Variants in RABGAP1L observed in about 807,000 individuals in gnomAD.
The protein encoded by RABGAP1L is rab GTPase-activating protein 1-like.
Under a neutral mutation model 137.7 loss-of-function variants are expected in RABGAP1L, and 63 were observed. That is an observed-to-expected ratio of 0.46 (90% CI 0.37 to 0.56). The LOEUF is 0.56. Ranked by LOEUF, RABGAP1L falls within the 20% of genes least tolerant of loss-of-function variation. The pLI is 0.00. For synonymous variants in RABGAP1L, 431 were observed against 433.7 expected (o/e 0.99, Z 0.08); for missense variants, 1,095 against 1,244.0 (o/e 0.88, Z 1.80).
chr1:174,535,567 A>G (rs1017976988), intron 13 of RABGAP1L, among the ~76,000 whole-genome samples: 1 of 152,222 alleles, frequency 6.6e-6, no homozygotes, highest in Non-Finnish European at 1.5e-5. Flanking sequence ...TGAAGTGTTC[A>G]GTTCAGTGGA....
chr1:174,650,992 A>G (rs200945317), intron 14 of RABGAP1L, among the ~76,000 whole-genome samples: 1 of 148,642 alleles, frequency 6.7e-6, no homozygotes, highest in Non-Finnish European at 1.5e-5. Flanking sequence ...ATTTCCCTCT[A>G]CACACTGCTT....
intron 18 of RABGAP1L, among the ~76,000 whole-genome samples, chr1:174,797,513 G>A (rs1688335708): frequency 7.2e-6 from 1 of 138,458 alleles, no homozygotes; most frequent in Non-Finnish European, 1.6e-5. Flanking sequence ...TGGGATGTGT[G>A]TGTAGGGGGT....
chr1:174,935,110 A>G (rs998204729), intron 19 of RABGAP1L: 2 of 152,206 alleles, frequency 1.3e-5, no homozygotes, highest in African/African-American at 2.4e-5. Context: ...TCTGTCAGCA[A>G]AAAGGGATAA....
At chr1:174,800,370 A>G in intron 18 of RABGAP1L, 1 of 1,550,558 alleles carries the variant, frequency 6.4e-7, no homozygotes, top group Non-Finnish European at 8.7e-7. Context: ...CCAGCTGCTA[A>G]GCTCACACCT....
At chr1:174,907,302 C>A (rs1419441609) in intron 19 of RABGAP1L, among the ~76,000 whole-genome samples, 1 of 151,794 alleles carries the variant, frequency 6.6e-6, no homozygotes, top group East Asian at 1.9e-4. Context: ...ATTTGTGATC[C>A]AAGATAAGTT....
At position 174,846,344 on chromosome 1, in the gene RABGAP1L, G is replaced by A. The variant is rs979300460; in HGVS notation, c.2340+34384G>A. Among the ~76,000 whole-genome samples, 51 of 151,092 alleles carry A rather than the reference G, an allele frequency of 3.4e-4. 1 individual carries two copies. Among genetic ancestry groups the A allele is most frequent in the African/African-American group, 1.2e-3 (48 of 41,140 alleles). On this transcript the variant is annotated intron_variant, in intron 19 of 25. Coordinates refer to ENST00000681986, the MANE Select transcript of RABGAP1L (RefSeq NM_001366446.1). The stretch of plus-strand genomic sequence containing the variant: ...AGGGTGTCAATTTTGGATCTTTCCC[G>A]CTTTCTCTTGTGGGCATTTAGTGCT...
At chr1:174,598,205 G>A (rs184181841) in intron 13 of RABGAP1L, among the ~76,000 whole-genome samples, 17 of 151,956 alleles carry the variant, frequency 1.1e-4, no homozygotes, top group Non-Finnish European at 2.2e-4. Flanking sequence ...GTGCATGCCT[G>A]TAGTCCCAGC....
At chr1:174,530,306 CA>C (rs1664278403) in intron 13 of RABGAP1L, among the ~76,000 whole-genome samples, 1 of 152,132 alleles carries the variant, frequency 6.6e-6, no homozygotes, top group Non-Finnish European at 1.5e-5. Flanking sequence ...TCTTGAGCTT[CA>C]GCCCTGGCAC....
intron 13 of RABGAP1L, among the ~76,000 whole-genome samples, chr1:174,570,805 C>G (rs1667918925): frequency 6.6e-6 from 1 of 152,022 alleles, no homozygotes. Flanking sequence ...AAAAGAGAAC[C>G]CTTGTACACT....
chr1:174,483,392 G>A (rs574862993), intron 13 of RABGAP1L, among the ~76,000 whole-genome samples: 9 of 152,244 alleles, frequency 5.9e-5, no homozygotes, highest in Admixed American at 5.9e-4. Flanking sequence ...TGCGATGTCT[G>A]TCTTTCTGTG....
intron 17 of RABGAP1L, among the ~76,000 whole-genome samples, chr1:174,722,356 T>C (rs780778033): frequency 6.6e-6 from 1 of 152,256 alleles, no homozygotes; most frequent in South Asian, 2.1e-4. Context: ...TATATTGTTT[T>C]GTTATATGTA....
intron 11 of RABGAP1L, among the ~76,000 whole-genome samples, chr1:174,319,221 A>G (rs1337127066): frequency 6.6e-6 from 1 of 151,948 alleles, no homozygotes. Context: ...ATTTTTTTCC[A>G]TCAGTTTTAT....
chr1:174,254,097 G>GTT (rs796127326), intron 7 of RABGAP1L, among the ~76,000 whole-genome samples: 80 of 146,350 alleles, frequency 5.5e-4, no homozygotes, highest in African/African-American at 1.9e-3. Flanking sequence ...GTTATCTGCT[G>GTT]TTTTTTTTTT....
intron 15 of RABGAP1L, among the ~76,000 whole-genome samples, chr1:174,694,203 TTTATTA>T (rs1187676355): frequency 7.9e-5 from 12 of 152,046 alleles, no homozygotes; most frequent in Admixed American, 7.9e-4. Context: ...TTATTTTTTA[TTTATTA>T]TTATTATACT....
chr1:174,799,447 C>T (rs919045294), intron 18 of RABGAP1L, among the ~76,000 whole-genome samples: 1 of 152,084 alleles, frequency 6.6e-6, no homozygotes, highest in African/African-American at 2.4e-5. Flanking sequence ...GATCTATTCT[C>T]GTTGTTAGAA....
At chr1:174,241,751 A>T in intron 5 of RABGAP1L, 94 bp downstream of exon 5, 1 of 1,080,712 alleles carries the variant, frequency 9.3e-7, no homozygotes, top group East Asian at 2.6e-5. Flanking sequence ...ATGTTACATA[A>T]ATTTGGAGTA....
chr1:174,808,756 C>G (rs548178713), intron 18 of RABGAP1L, among the ~76,000 whole-genome samples: 6 of 151,516 alleles, frequency 4.0e-5, no homozygotes, highest in Non-Finnish European at 5.9e-5. Flanking sequence ...TGGATTCAAG[C>G]GATTCTCCTG....
intron 13 of RABGAP1L, among the ~76,000 whole-genome samples, chr1:174,437,714 G>C (rs1001394476): frequency 6.6e-6 from 1 of 152,072 alleles, no homozygotes; most frequent in Middle Eastern, 3.2e-3. Flanking sequence ...AGGAAATACA[G>C]AGAAAACCAC....
At position 174,691,947 on chromosome 1, in the gene RABGAP1L, C is replaced by T. The variant is rs535021796; in HGVS notation, c.1900-7578C>T. Among the ~76,000 whole-genome samples the T allele has an allele frequency of 2.6e-5, 4 of 151,710 alleles. No homozygotes were observed. In the South Asian group the frequency reaches 6.3e-4, roughly 24 times the overall value. On this transcript the variant is annotated intron_variant, in intron 15 of 25. Coordinates refer to ENST00000681986, the MANE Select transcript of RABGAP1L (RefSeq NM_001366446.1). Reference sequence around the variant, plus strand: ...ACATCTTGGTTGATTTTCTTTATGCCGATTGAGGGATAAGCTGAATAGTCA... The same window carrying T: ...ACATCTTGGTTGATTTTCTTTATGCTGATTGAGGGATAAGCTGAATAGTCA...
Sources: allele counts gnomAD v4.1 joint callset (sites outside exome capture counted in the v4.1 genomes callset), GRCh38; gene constraint gnomAD v4.1.1; transcripts MANE v1.5; gene names NCBI Gene and HGNC (gene_info 2026-07-23, HGNC 2026-07-21).